The following FBN2 variants were observed in gnomAD, a reference collection of about 807,000 sequenced individuals.
FBN2 encodes the protein fibrillin-2.
In FBN2, 105 loss-of-function variants were observed where a neutral mutation model predicts 355.6. The observed-to-expected ratio is 0.30, with a 90% CI of 0.25 to 0.35. The LOEUF (loss-of-function observed/expected upper bound fraction) is 0.35. FBN2 is among the 10% of genes least tolerant of loss of function. The pLI is 1.00. For synonymous variants in FBN2, 1,350 were observed against 1,301.2 expected (o/e 1.04, Z -0.81); for missense variants, 3,280 against 3,758.7 (o/e 0.87, Z 3.33).
intron 23 of FBN2, among the ~76,000 whole-genome samples, chr5:128,346,099 T>C (rs1305752962): frequency 6.6e-6 from 1 of 152,190 alleles, no homozygotes; most frequent in East Asian, 1.9e-4. Flanking sequence ...TTTTGCATCA[T>C]GGTTTTTCCC....
chr5:128,458,770 A>G (rs946940401), intron 6 of FBN2, among the ~76,000 whole-genome samples: 4 of 152,186 alleles, frequency 2.6e-5, no homozygotes, highest in Non-Finnish European at 2.9e-5. Flanking sequence ...GAGACAACGT[A>G]CCAGAATCTC....
intron 5 of FBN2, among the ~76,000 whole-genome samples, chr5:128,493,312 A>T (rs1302899280): frequency 6.6e-6 from 1 of 152,174 alleles, no homozygotes; most frequent in African/African-American, 2.4e-5. Context: ...AAAAAACAAA[A>T]AATCAGTTTA....
At chr5:128,340,835 C>CTCTATA (rs550306684) in intron 25 of FBN2, among the ~76,000 whole-genome samples, 1 of 150,874 alleles carries the variant, frequency 6.6e-6, no homozygotes, top group Non-Finnish European at 1.5e-5. Flanking sequence ...CTCTCTCTCT[C>CTCTATA]TATATATATA....
chr5:128,267,327 G>GATC (rs1765142657), intron 62 of FBN2, among the ~76,000 whole-genome samples: 2 of 152,126 alleles, frequency 1.3e-5, no homozygotes, highest in African/African-American at 4.8e-5. Context: ...ATTCCTGTGG[G>GATC]TATATATCCA....
At chr5:128,457,442 A>G (rs1017806442) in intron 6 of FBN2, among the ~76,000 whole-genome samples, 1 of 152,186 alleles carries the variant, frequency 6.6e-6, no homozygotes. Flanking sequence ...AAATTCAGGA[A>G]ATACAGAGAA....
chr5:128,309,994 T>C lies in FBN2; in HGVS notation c.5189A>G (p.His1730Arg). ...AGTTCTTTACCTACCCATGCAGTTG[T>C]GGCCTCCATTGACCTGCATGTACTC... The part of the protein sequence containing the change: ...PPEYMQVNGG[H>R]NCMDMRKSFC... The change falls in exon 40 of 65, where the codon CAC becomes CGC. Residue 1730 changes from histidine (H) to arginine (R), a missense_variant. Transcript: ENST00000262464. 6.2e-7 allele frequency: 1 copy of C among 1,613,940 alleles called. No homozygotes were observed. The highest frequency in any genetic ancestry group is 1.1e-5 in the South Asian group (1 of 91,082).
Position 128,303,058 on chromosome 5 carries a change from T to C in FBN2, c.5832A>G (p.Gly1944=). The C allele has an allele frequency of 6.2e-7, 1 of 1,612,232 alleles. No individual in the cohort carries two copies. The highest frequency in any genetic ancestry group is 8.5e-7 in the Non-Finnish European group (1 of 1,178,334). The change falls in exon 46 of 65, where the codon GGA becomes GGG. Residue 1944 remains glycine (G), a synonymous_variant. Transcript: ENST00000262464. ...DVDECERHPC[G]NGTCKNTVGS... is the part of the protein sequence containing the mutation. ...CAACGGTGTTTTTACAAGTTCCATTTCCACATGGATGCCGCTCGCACTCAT... is the reference window on the plus strand; with the variant it reads ...CAACGGTGTTTTTACAAGTTCCATTCCCACATGGATGCCGCTCGCACTCAT...
At chr5:128,322,553 A>C (rs1750410606) in intron 34 of FBN2, among the ~76,000 whole-genome samples, 1 of 152,024 alleles carries the variant, frequency 6.6e-6, no homozygotes, top group Non-Finnish European at 1.5e-5. Flanking sequence ...TCCTCTCCCC[A>C]TTGCTTGTTT....
At chr5:128,271,030 T>A (rs1296178400) in intron 62 of FBN2, among the ~76,000 whole-genome samples, 1 of 152,212 alleles carries the variant, frequency 6.6e-6, no homozygotes, top group African/African-American at 2.4e-5. Flanking sequence ...CATCTGTCTT[T>A]GACCTGGCAT....
intron 7 of FBN2, among the ~76,000 whole-genome samples, chr5:128,441,473 G>C (rs1360131579): frequency 6.6e-6 from 1 of 152,072 alleles, no homozygotes; most frequent in Non-Finnish European, 1.5e-5. Flanking sequence ...AAAGTTACTT[G>C]GCCTCTTTGT....
At chr5:128,437,081 G>T (rs1389234718) in intron 7 of FBN2, among the ~76,000 whole-genome samples, 1 of 152,188 alleles carries the variant, frequency 6.6e-6, no homozygotes, top group Admixed American at 6.5e-5. Flanking sequence ...CAAAAGACAG[G>T]ACAGACATAT....
At chr5:128,451,634 A>G (rs1742484337) in intron 6 of FBN2, among the ~76,000 whole-genome samples, 1 of 152,146 alleles carries the variant, frequency 6.6e-6, no homozygotes, top group African/African-American at 2.4e-5. Flanking sequence ...TCCTGACCTC[A>G]GGTGATCCAC....
intron 6 of FBN2, among the ~76,000 whole-genome samples, chr5:128,446,858 G>A (rs947149993): frequency 2.6e-5 from 4 of 152,130 alleles, no homozygotes; most frequent in Non-Finnish European, 5.9e-5. Context: ...CCTGTTGTGG[G>A]AAGTCAGGGA....
intron 57 of FBN2, 24 bp from the exon 58 acceptor site, chr5:128,278,029 A>C (rs374605626): frequency 5.6e-5 from 91 of 1,613,378 alleles, no homozygotes; most frequent in Non-Finnish European, 7.0e-5. Flanking sequence ...CAACAAAAAC[A>C]ATCAGGAGTT....
intron 5 of FBN2, among the ~76,000 whole-genome samples, chr5:128,503,002 C>T (rs376523325): frequency 1.3e-5 from 2 of 152,176 alleles, no homozygotes; most frequent in South Asian, 2.1e-4. Flanking sequence ...TGTGGTTTGG[C>T]CATTCCCCAC....
At chr5:128,338,865 G>C in intron 26 of FBN2, 68 bp downstream of exon 26, 1 of 1,540,558 alleles carries the variant, frequency 6.5e-7, no homozygotes, top group Non-Finnish European at 9.0e-7. Context: ...ATAAGCAAAG[G>C]TCATGCGCAC....
chr5:128,302,064 A>G (rs564325408), intron 46 of FBN2, among the ~76,000 whole-genome samples: 1 of 149,354 alleles, frequency 6.7e-6, no homozygotes, highest in South Asian at 2.1e-4. Flanking sequence ...CAAAGGCTCT[A>G]AGAAACTAGT....
intron 15 of FBN2, among the ~76,000 whole-genome samples, chr5:128,370,897 C>T (rs941045923): frequency 6.6e-6 from 1 of 152,094 alleles, no homozygotes; most frequent in South Asian, 2.1e-4. Flanking sequence ...GTAGGTTTTA[C>T]GGACATAAAC....
chr5:128,346,866 GT>G (rs1224928654), intron 23 of FBN2, among the ~76,000 whole-genome samples: 1 of 152,206 alleles, frequency 6.6e-6, no homozygotes, highest in Non-Finnish European at 1.5e-5. Flanking sequence ...AAAAATAACT[GT>G]GGTAAATGTT....
Sources: gnomAD v4.1 joint callset for allele counts (sites outside exome capture counted in the v4.1 genomes callset) on GRCh38, gnomAD v4.1.1 for gene constraint, MANE v1.5 for transcripts, NCBI Gene and HGNC (gene_info 2026-07-23, HGNC 2026-07-21) for gene names.